SYNPO: variants seen among roughly 807,000 people sequenced by gnomAD.
SYNPO encodes the protein synaptopodin.
A neutral mutation model predicts 49.5 loss-of-function variants in SYNPO; 19 were observed. The observed-to-expected ratio is 0.38, with a 90% CI of 0.27 to 0.56. The LOEUF (loss-of-function observed/expected upper bound fraction) is 0.56, where lower values mean the gene tolerates loss of function less well. SYNPO is among the 20% of genes least tolerant of loss of function. The probability of loss-of-function intolerance (pLI) is 0.68; values close to 1 mark genes in which losing one functional copy is unlikely to be tolerated. For missense variants in SYNPO, 1,131 were observed against 1,248.3 expected, an observed-to-expected ratio of 0.91 and a Z score of 1.42; for synonymous variants, 536 against 548.0, an observed-to-expected ratio of 0.98 and a Z score of 0.31.
At chr5:150,586,468 A>G in the SYNPO span, among the ~76,000 whole-genome samples, 1 of 152,064 alleles carries the variant, frequency 6.6e-6, no homozygotes, top group Admixed American at 6.5e-5. Context: ...TAAACTGGAG[A>G]TATGGTCAAA....
rs1389209235 is a variant in SYNPO, at chr5:150,658,585, G to C, written c.*1498G>C. On this transcript the variant is annotated 3_prime_UTR_variant, in exon 3 of 3. Coordinates refer to ENST00000307662, the MANE Select transcript of SYNPO (RefSeq NM_007286.6). The stretch of plus-strand genomic sequence containing the variant: ...GCTGGTAGAGCCTTCTAGAGGTTCA[G>C]AATATTAGCTTCAGGATCAGCTGGG... The C allele has an allele frequency of 2.0e-5, 3 of 152,452 alleles. No homozygotes were observed. The highest frequency in any genetic ancestry group is 1.9e-4 in the East Asian group (1 of 5,330). The allele number at this position is 152,452 out of a possible 1,614,324, so 9.4% of individuals were successfully genotyped here. A position where few individuals can be genotyped will look rare whatever the true frequency, so the allele number is the denominator to read the frequency against.
At chr5:150,599,043 G>A (rs922726814), upstream of SYNPO, among the ~76,000 whole-genome samples, 9 of 152,224 alleles carry the variant, frequency 5.9e-5, no homozygotes, top group Admixed American at 1.3e-4. Flanking sequence ...TTCTGGGGCC[G>A]GATGCAGGTT....
intron 2 of SYNPO, among the ~76,000 whole-genome samples, chr5:150,632,379 A>G (rs1757570189): frequency 6.6e-6 from 1 of 152,244 alleles, no homozygotes; most frequent in African/African-American, 2.4e-5. Flanking sequence ...CTTAAGATAA[A>G]TGAAAATCTA....
In SYNPO at chr5:150,649,582, C is replaced by T. The variant is rs780827979; in HGVS notation, c.1307C>T (p.Pro436Leu). The change falls in exon 2 of 3, where the codon CCT becomes CTT. Residue 436 changes from proline (P) to leucine (L), a missense_variant. This residue lies in a region of SYNPO where 602 missense variants were observed against 720.7 expected (regional missense o/e 0.84). Coordinates refer to ENST00000307662, the MANE Select transcript of SYNPO (RefSeq NM_007286.6). ...TCCAACTTCCAGCAGGAGCCAGCAC[C>T]TCGTGACAGGGCCAGCCCCGCGGCG... Reference protein sequence around the residue: ...EASNFQQEPAPRDRASPAAAE... With the variant: ...EASNFQQEPALRDRASPAAAE... The T allele has an allele frequency of 6.2e-7, 1 of 1,610,524 alleles. No homozygotes were observed. Among genetic ancestry groups the T allele is most frequent in the Non-Finnish European group, 8.5e-7 (1 of 1,178,822 alleles).
rs1758578529 is a variant in SYNPO at position 150,656,766 on chromosome 5, C to G, written c.2391C>G (p.Pro797=). ...CACCGCCCCCGCCCCCGCCCCCGCC[C>G]CCGCCCCCGCGCATGCGCTCGCCAC... ...RAPPPPPPPP[P]PPPRMRSPQP... is the part of the protein sequence containing the mutation. Residue 797 remains proline (P), a synonymous_variant, in exon 3 of 3, where the codon CCC becomes CCG. Coordinates refer to ENST00000307662, the MANE Select transcript of SYNPO (RefSeq NM_007286.6). 1.6e-6 allele frequency: 2 copies of G among 1,231,378 alleles called. No individual in the cohort carries two copies. 76.3% of individuals were successfully genotyped at this position (1,231,378 alleles called of 1,614,324 possible).
intron 2 of SYNPO, chr5:150,650,674 T>C: frequency 7.0e-7 from 1 of 1,418,732 alleles, no homozygotes; most frequent in Non-Finnish European, 9.2e-7. Flanking sequence ...AGCGTCTTGC[T>C]GGGGGAGTGG....
At chr5:150,588,998 G>C in the SYNPO span, among the ~76,000 whole-genome samples, 1 of 151,838 alleles carries the variant, frequency 6.6e-6, no homozygotes, top group Non-Finnish European at 1.5e-5. Flanking sequence ...GCATTCCATT[G>C]CTTCCTTTTT....
Position 150,657,423 on chromosome 5 carries a change from C to CTCTCTT in SYNPO, c.*341_*342insTTCTCT. 2 of 174,276 alleles carry CTCTCTT rather than the reference C, an allele frequency of 1.1e-5. No individual in the cohort carries two copies. The highest frequency in any genetic ancestry group is 2.2e-5 in the Non-Finnish European group (2 of 90,856). 10.8% of individuals were successfully genotyped at this position (174,276 alleles called of 1,614,324 possible). ...GCACACACACTCTCTCTTTCTCTCT[C>CTCTCTT]TCTCTCTCTCACACACACACACACA... On this transcript the variant is annotated 3_prime_UTR_variant, in exon 3 of 3. Transcript: ENST00000307662.
upstream of SYNPO, among the ~76,000 whole-genome samples, chr5:150,638,338 C>T (rs1324491544): frequency 6.6e-6 from 1 of 152,176 alleles, no homozygotes; most frequent in African/African-American, 2.4e-5. Context: ...CATCTCCTTC[C>T]CTCACAAACG....
chr5:150,586,323 G>A, the SYNPO span, among the ~76,000 whole-genome samples: 151,935 of 152,340 alleles, frequency 1, 75,765 homozygotes, highest in Middle Eastern at 1. Flanking sequence ...TCCTAAAATA[G>A]AACACAGCCC....
the SYNPO span, among the ~76,000 whole-genome samples, chr5:150,594,204 C>A: frequency 6.6e-6 from 1 of 152,118 alleles, no homozygotes; most frequent in African/African-American, 2.4e-5. Flanking sequence ...TGGAAGGCGG[C>A]AGGGGAGTCT....
chr5:150,639,118 C>T (rs2151398986), upstream of SYNPO, among the ~76,000 whole-genome samples: 1 of 152,370 alleles, frequency 6.6e-6, no homozygotes, highest in Non-Finnish European at 1.5e-5. Flanking sequence ...AAGAGAGAGG[C>T]TGTGGCTCCT....
chr5:150,644,507 T>C (rs1294858059), intron 1 of SYNPO, among the ~76,000 whole-genome samples: 2 of 152,196 alleles, frequency 1.3e-5, no homozygotes, highest in Admixed American at 6.5e-5. Flanking sequence ...GGGTGACCAA[T>C]TGCCAGCTTA....
intron 1 of SYNPO, among the ~76,000 whole-genome samples, chr5:150,604,678 G>A (rs368965570): frequency 2.0e-5 from 3 of 152,178 alleles, no homozygotes; most frequent in Admixed American, 1.3e-4. Flanking sequence ...AGGCGACTGC[G>A]TCTCAACTCC....
In SYNPO at chr5:150,648,823, C is replaced by A. The variant is rs370323025; in HGVS notation, c.548C>A (p.Pro183Gln). 6.2e-7 allele frequency: 1 copy of A among 1,614,252 alleles called. No homozygotes were observed. Among genetic ancestry groups the A allele is most frequent in the Non-Finnish European group, 8.5e-7 (1 of 1,180,042 alleles). The change falls in exon 2 of 3, where the codon CCA (proline) becomes CAA (glutamine). Residue 183 changes from proline to glutamine, a missense_variant. Physicochemically the swap from Pro to Gln is moderately conservative, Grantham distance 76 (BLOSUM62 -1). Transcript: ENST00000307662. The surrounding 1 kb of genome is among the most constrained non-coding windows in gnomAD (Gnocchi z 5.0). ...EATLIPSSRPPASDFMSSSLL... is the reference protein window; with the variant it reads ...EATLIPSSRPQASDFMSSSLL... ...ACGCTCATCCCCAGCTCCAGGCCCC[C>A]AGCCTCAGATTTCATGTCCAGCTCC...
intron 2 of SYNPO, among the ~76,000 whole-genome samples, chr5:150,625,191 C>T (rs1757313268): frequency 6.6e-6 from 1 of 152,174 alleles, no homozygotes; most frequent in African/African-American, 2.4e-5. Flanking sequence ...GGCTCCAGCC[C>T]TTGCGCCCCT....
chr5:150,601,772 C>T (rs558138987), intron 1 of SYNPO, among the ~76,000 whole-genome samples: 58 of 152,260 alleles, frequency 3.8e-4, no homozygotes, highest in African/African-American at 1.3e-3. Context: ...GGGGGTGGTC[C>T]TCACTGTGCA....
chr5:150,626,523 A>G (rs1757363310), intron 2 of SYNPO, among the ~76,000 whole-genome samples: 1 of 152,166 alleles, frequency 6.6e-6, no homozygotes, highest in Non-Finnish European at 1.5e-5. Flanking sequence ...GGCTCCCCTC[A>G]ACCCCACAAC....
chr5:150,619,716 C>T (rs1581466427), intron 2 of SYNPO, among the ~76,000 whole-genome samples: 2 of 152,116 alleles, frequency 1.3e-5, no homozygotes, highest in Admixed American at 6.5e-5. Flanking sequence ...AGGGCTTGTG[C>T]GTCAGGAAAC....
Sources: allele counts gnomAD v4.1 joint callset (sites outside exome capture counted in the v4.1 genomes callset), GRCh38; gene constraint gnomAD v4.1.1; regional missense constraint gnomAD v4.1.1; non-coding constraint Gnocchi (gnomAD v3.1); transcripts MANE v1.5; gene names NCBI Gene and HGNC (gene_info 2026-07-23, HGNC 2026-07-21).